NTRK3: variants seen among roughly 807,000 people sequenced by gnomAD.
The protein encoded by NTRK3 is neurotrophic receptor tyrosine kinase 3, also known as NT-3 growth factor receptor.
In NTRK3, 24 loss-of-function variants were observed where a neutral mutation model predicts 91.7. That is an observed-to-expected ratio of 0.26 (90% CI 0.19 to 0.37). The LOEUF is 0.37. NTRK3 is among the 10% of genes least tolerant of loss of function. NTRK3 has a pLI of 1.00. For synonymous variants in NTRK3, 483 were observed against 404.0 expected, an observed-to-expected ratio of 1.20 and a Z score of -2.34; for missense variants, 880 against 1,068.9, an observed-to-expected ratio of 0.82 and a Z score of 2.46.
At chr15:88,180,871 G>A (rs2046396683) in intron 5 of NTRK3, among the ~76,000 whole-genome samples, 1 of 152,090 alleles carries the variant, frequency 6.6e-6, no homozygotes, top group South Asian at 2.1e-4. Context: ...AAAGCTGCCG[G>A]GAAATTTACT....
intron 14 of NTRK3, among the ~76,000 whole-genome samples, chr15:87,945,166 A>T (rs74027730): frequency 1.4e-3 from 213 of 152,310 alleles, no homozygotes; most frequent in African/African-American, 4.0e-3. Context: ...AGAAAGCAGG[A>T]GGCTGCTATG....
chr15:88,221,478 T>C (rs538782806), intron 3 of NTRK3, among the ~76,000 whole-genome samples: 6 of 152,332 alleles, frequency 3.9e-5, no homozygotes, highest in African/African-American at 1.4e-4. Context: ...CTGATCCTGA[T>C]GCAATGCTTA....
intron 17 of NTRK3, among the ~76,000 whole-genome samples, chr15:87,881,159 A>G (rs1596065654): frequency 6.6e-6 from 1 of 152,360 alleles, no homozygotes. Flanking sequence ...GGTACCCTTT[A>G]CTGAGAAAAA....
chr15:88,052,327 G>A (rs953347930), intron 13 of NTRK3, among the ~76,000 whole-genome samples: 1 of 152,196 alleles, frequency 6.6e-6, no homozygotes, highest in Admixed American at 6.5e-5. Flanking sequence ...GTAACATGGT[G>A]AAAATAGGAA....
chr15:87,919,579 T>C (rs1442360402), intron 17 of NTRK3, among the ~76,000 whole-genome samples: 2 of 152,194 alleles, frequency 1.3e-5, no homozygotes, highest in African/African-American at 2.4e-5. Flanking sequence ...TAAAATGCTC[T>C]AGAAAGGGTG....
chr15:88,207,668 CTCTG>C (rs927254173), intron 3 of NTRK3, among the ~76,000 whole-genome samples: 6 of 152,162 alleles, frequency 3.9e-5, no homozygotes, highest in African/African-American at 1.4e-4. Flanking sequence ...TGGCAGAGGC[CTCTG>C]CTGCAGGCAA....
At chr15:88,158,501 G>A (rs947606135) in intron 5 of NTRK3, among the ~76,000 whole-genome samples, 27 of 152,182 alleles carry the variant, frequency 1.8e-4, no homozygotes, top group Non-Finnish European at 3.7e-4. Flanking sequence ...TCCTCACCCT[G>A]AGGTCTATTG....
chr15:88,106,215 C>A (rs564830758), intron 13 of NTRK3, among the ~76,000 whole-genome samples: 1 of 152,208 alleles, frequency 6.6e-6, no homozygotes, highest in African/African-American at 2.4e-5. Flanking sequence ...GCTACAGCGG[C>A]CGGCAGGACA....
intron 14 of NTRK3, among the ~76,000 whole-genome samples, chr15:87,973,816 C>T (rs1005988771): frequency 2.0e-5 from 3 of 152,260 alleles, no homozygotes; most frequent in East Asian, 1.9e-4. Context: ...AAGCAGCCAG[C>T]ATCGCCCCTC....
rs59553739 is a variant in NTRK3 at position 88,197,094 on chromosome 15, C to CAAAAAAAA, written c.249-12803_249-12796dup. 5.5e-4 allele frequency among the ~76,000 whole-genome samples: 31 copies of CAAAAAAAA among 56,584 alleles called. 4 individuals are homozygous for CAAAAAAAA. Among genetic ancestry groups the CAAAAAAAA allele is most frequent in the South Asian group, 1.3e-3 (1 of 786 alleles). The allele number at this position is 56,584 out of a possible 152,430, so 37.1% of individuals were successfully genotyped here. On this transcript the variant is annotated intron_variant, in intron 3 of 18. Coordinates refer to ENST00000394480, the Ensembl canonical transcript of NTRK3. The stretch of plus-strand genomic sequence containing the variant: ...AGAAGAGGTCTATGGTTGAGCAGGA[C>CAAAAAAAA]AAAAAAAAAAAAAAAAAAAAAAAAA...
At chr15:87,929,608 T>A (rs1455147879) in intron 16 of NTRK3, among the ~76,000 whole-genome samples, 174 bp from the exon 17 acceptor site, 1 of 152,170 alleles carries the variant, frequency 6.6e-6, no homozygotes, top group African/African-American at 2.4e-5. Flanking sequence ...TACGTGTGGG[T>A]AAGGGTGAAA....
At chr15:88,223,772 T>C (rs889119304) in intron 3 of NTRK3, among the ~76,000 whole-genome samples, 36 of 152,132 alleles carry the variant, frequency 2.4e-4, no homozygotes, top group African/African-American at 7.7e-4. Flanking sequence ...CGCACAGTGC[T>C]GGCTGGCCAG....
At chr15:88,098,364 T>A (rs2049835226) in intron 13 of NTRK3, among the ~76,000 whole-genome samples, 1 of 152,236 alleles carries the variant, frequency 6.6e-6, no homozygotes, top group Non-Finnish European at 1.5e-5. Context: ...CCAAATTGGC[T>A]GGACTACGCA....
At chr15:87,865,469 G>A in exon 19 of NTRK3, 1 of 214,428 alleles carries the variant, frequency 4.7e-6, no homozygotes, top group Non-Finnish European at 9.4e-6. Context: ...ATTTTTGTTG[G>A]CACTTGGGCC....
chr15:88,180,869 C>T (rs79698431), intron 5 of NTRK3, among the ~76,000 whole-genome samples: 2,131 of 152,104 alleles, frequency 0.014, 23 homozygotes, highest in Non-Finnish European at 0.023. Context: ...CCAAAGCTGC[C>T]GGGAAATTTA....
At chr15:88,171,879 A>G (rs987917438) in intron 5 of NTRK3, among the ~76,000 whole-genome samples, 13 of 152,174 alleles carry the variant, frequency 8.5e-5, no homozygotes, top group African/African-American at 3.1e-4. Flanking sequence ...AGAAAACAGG[A>G]TTTAGGGAGA....
intron 13 of NTRK3, among the ~76,000 whole-genome samples, chr15:88,051,848 C>T (rs1183362482): frequency 6.6e-6 from 1 of 152,222 alleles, no homozygotes. Flanking sequence ...CCACTAATGA[C>T]AGCATCTATA....
intron 13 of NTRK3, among the ~76,000 whole-genome samples, chr15:88,112,181 C>T (rs1411108577): frequency 6.6e-6 from 1 of 152,208 alleles, no homozygotes; most frequent in Non-Finnish European, 1.5e-5. Flanking sequence ...GCTAGGATTA[C>T]AGGCGTGAGC....
At chr15:88,136,248 G>A (rs553756040) in intron 8 of NTRK3, among the ~76,000 whole-genome samples, 10 of 152,270 alleles carry the variant, frequency 6.6e-5, no homozygotes, top group Non-Finnish European at 8.8e-5. Flanking sequence ...GTGAACGGTA[G>A]TTCAGTACTA....
Sources: gnomAD v4.1 joint callset for allele counts (sites outside exome capture counted in the v4.1 genomes callset) on GRCh38, gnomAD v4.1.1 for gene constraint, MANE v1.5 for transcripts, NCBI Gene and HGNC (gene_info 2026-07-23, HGNC 2026-07-21) for gene names.